Variants in FAM228B observed in about 807,000 individuals in gnomAD.
The protein encoded by FAM228B is family with sequence similarity 228 member B.
FAM228B carries 38 observed loss-of-function variants against 42.6 expected under a neutral mutation model. That is an observed-to-expected ratio of 0.89 (90% CI 0.69 to 1.17). FAM228B has a LOEUF of 1.17. Ranked by LOEUF, FAM228B falls within the 50% of genes most tolerant of loss-of-function variation. The pLI, the probability that FAM228B is intolerant of heterozygous loss-of-function variation, is 0.00. For synonymous variants in FAM228B, 109 were observed against 122.3 expected, an observed-to-expected ratio of 0.89 and a Z score of 0.72; for missense variants, 344 against 367.3, an observed-to-expected ratio of 0.94 and a Z score of 0.52.
In FAM228B at chr2:24,132,464, G is replaced by GTTTT. The variant is rs548264853; in HGVS notation, c.100-2632_100-2629dup. On this transcript the variant is annotated intron_variant, in intron 2 of 10. Coordinates refer to ENST00000615575, the MANE Select transcript of FAM228B (RefSeq NM_001145710.2). ...CATGAATCCCTCTGGTCCTGGGATT[G>GTTTT]TTTTTTTTTTTTTTTTTTTTTTTTT... Among the ~76,000 whole-genome samples the GTTTT allele has an allele frequency of 4.8e-3, 267 of 56,002 alleles. 32 individuals are homozygous for GTTTT. Among genetic ancestry groups the GTTTT allele is most frequent in the East Asian group, 0.017 (28 of 1,610 alleles). The allele number at this position is 56,002 out of a possible 152,430, so 36.7% of individuals were successfully genotyped here. A position where few individuals can be genotyped will look rare whatever the true frequency, so the allele number is the denominator to read the frequency against.
intron 7 of FAM228B, among the ~76,000 whole-genome samples, chr2:24,158,563 TA>T (rs1667213892): frequency 6.6e-6 from 1 of 152,256 alleles, no homozygotes; most frequent in African/African-American, 2.4e-5. Context: ...TTAGAAACTT[TA>T]ATCTGATGTG....
intron 2 of FAM228B, among the ~76,000 whole-genome samples, chr2:24,092,966 A>ACACC (rs1491070163): frequency 2.0e-5 from 3 of 146,398 alleles, no homozygotes; most frequent in Admixed American, 6.7e-5. Flanking sequence ...ACACACACAC[A>ACACC]CCATGTACAG....
chr2:24,131,083 G>T (rs923381521), intron 2 of FAM228B, among the ~76,000 whole-genome samples: 6 of 152,108 alleles, frequency 3.9e-5, no homozygotes, highest in Non-Finnish European at 7.4e-5. Flanking sequence ...TATTAAAGGG[G>T]AATCTTTTCC....
At chr2:24,127,913 T>A (rs1666356719) in intron 2 of FAM228B, among the ~76,000 whole-genome samples, 1 of 152,186 alleles carries the variant, frequency 6.6e-6, no homozygotes, top group African/African-American at 2.4e-5. Context: ...TCCGCCTGCC[T>A]TGGCCTCCCA....
chr2:24,100,611 C>T (rs187818401), intron 3 of FAM228B, among the ~76,000 whole-genome samples: 1 of 152,260 alleles, frequency 6.6e-6, no homozygotes, highest in Admixed American at 6.5e-5. Flanking sequence ...AGTCAGGAAA[C>T]AACAGATGCT....
chr2:24,169,121 C>T lies in FAM228B; in HGVS notation c.*15-235C>T, dbSNP rs1166694611. Reference sequence around the variant, plus strand: ...AATCATGTCACACATCAGTGATCCACCCCATCTATTTGACCATGTCCCTGA... The same window carrying T: ...AATCATGTCACACATCAGTGATCCATCCCATCTATTTGACCATGTCCCTGA... On this transcript the variant is annotated intron_variant, in intron 10 of 10. Transcript: ENST00000615575. The surrounding 1 kb of genome is among the most constrained non-coding windows in gnomAD (Gnocchi z 4.2). Among the ~76,000 whole-genome samples the T allele has an allele frequency of 1.3e-5, 2 of 152,168 alleles. No homozygotes were observed. Among genetic ancestry groups the T allele is most frequent in the African/African-American group, 4.8e-5 (2 of 41,422 alleles).
intron 3 of FAM228B, among the ~76,000 whole-genome samples, chr2:24,111,003 C>T (rs540860473): frequency 1.5e-4 from 23 of 152,240 alleles, no homozygotes; most frequent in African/African-American, 5.3e-4. Context: ...CATAAACCCT[C>T]CCACTTTGAA....
chr2:24,115,643 T>G (rs774127403), intron 3 of FAM228B: 4 of 1,605,360 alleles, frequency 2.5e-6, no homozygotes, highest in Non-Finnish European at 3.4e-6. Context: ...TTATTATTTA[T>G]GAGCTGCAAA....
chr2:24,088,850 G>A (rs1378270861), intron 2 of FAM228B, among the ~76,000 whole-genome samples: 1 of 152,176 alleles, frequency 6.6e-6, no homozygotes, highest in Admixed American at 6.5e-5. Flanking sequence ...CCCTTAATCT[G>A]TGGGATCTGA....
intron 2 of FAM228B, among the ~76,000 whole-genome samples, chr2:24,086,540 C>CT (rs966997935): frequency 6.8e-6 from 1 of 147,498 alleles, no homozygotes; most frequent in African/African-American, 2.5e-5. Flanking sequence ...CTCTCTCTCT[C>CT]TTTTTTGTAG....
At chr2:24,134,641 C>T (rs12616833) in intron 2 of FAM228B, among the ~76,000 whole-genome samples, 10 of 152,174 alleles carry the variant, frequency 6.6e-5, no homozygotes, top group African/African-American at 9.7e-5. Context: ...GCAGACAGAT[C>T]GAAATACTGT....
At chr2:24,143,364 G>A (rs564173618) in intron 5 of FAM228B, among the ~76,000 whole-genome samples, 3 of 152,122 alleles carry the variant, frequency 2.0e-5, no homozygotes, top group Non-Finnish European at 4.4e-5. Flanking sequence ...TGTTGTTGTT[G>A]TTGTTGTTTT....
intron 3 of FAM228B, among the ~76,000 whole-genome samples, chr2:24,110,765 T>TC (rs201555330): frequency 0.02 from 3,070 of 151,566 alleles, 35 homozygotes; most frequent in South Asian, 0.045. Context: ...GTCATGGGAC[T>TC]CCCCCCCCAA....
intron 2 of FAM228B, among the ~76,000 whole-genome samples, chr2:24,134,012 C>CT (rs1666520705): frequency 6.6e-6 from 1 of 152,100 alleles, no homozygotes; most frequent in African/African-American, 2.4e-5. Flanking sequence ...TCAATACTGT[C>CT]TAAGAAATTT....
At chr2:24,101,823 C>G (rs1254168281) in intron 3 of FAM228B, among the ~76,000 whole-genome samples, 3 of 152,204 alleles carry the variant, frequency 2.0e-5, no homozygotes, top group Non-Finnish European at 2.9e-5. Context: ...GCTGGGACTA[C>G]AAGCGCTCAC....
upstream of FAM228B, among the ~76,000 whole-genome samples, chr2:24,121,901 G>A (rs1480920508): frequency 6.6e-6 from 1 of 152,226 alleles, no homozygotes; most frequent in Non-Finnish European, 1.5e-5. Flanking sequence ...CTTCCAGGCA[G>A]TAGAACTGTG....
intron 5 of FAM228B, among the ~76,000 whole-genome samples, chr2:24,144,173 G>A (rs974967074): frequency 1.3e-5 from 2 of 152,152 alleles, no homozygotes; most frequent in African/African-American, 4.8e-5. Flanking sequence ...TGGGCATGGT[G>A]GCTCATGCCT....
intron 8 of FAM228B, 53 bp from the exon 9 acceptor site, chr2:24,164,145 A>G (rs745358428): frequency 6.9e-7 from 1 of 1,451,146 alleles, no homozygotes; most frequent in Non-Finnish European, 9.2e-7. Context: ...ATTAAGTGCT[A>G]CAGTTGAGTT....
upstream of FAM228B, chr2:24,121,352 C>T (rs780192072): frequency 6.4e-7 from 1 of 1,561,702 alleles, no homozygotes; most frequent in Non-Finnish European, 8.7e-7. Context: ...GGCTGGTGGC[C>T]AGCCAAATTT....
Sources: gnomAD v4.1 joint callset for allele counts (sites outside exome capture counted in the v4.1 genomes callset) on GRCh38, gnomAD v4.1.1 for gene constraint, Gnocchi (gnomAD v3.1) non-coding constraint, MANE v1.5 for transcripts, NCBI Gene and HGNC (gene_info 2026-07-23, HGNC 2026-07-21) for gene names.